MECOM: variants seen among roughly 807,000 people sequenced by gnomAD.
MECOM encodes the protein MDS1 and EVI1 complex locus, also known as histone-lysine N-methyltransferase MECOM.
Under a neutral mutation model 116.3 loss-of-function variants are expected in MECOM, and 13 were observed. The ratio of observed to expected loss-of-function variants is 0.11; its 90% CI spans 0.07 to 0.18. The LOEUF (loss-of-function observed/expected upper bound fraction) is 0.18. Among genes scored for constraint, MECOM ranks in the 10% least tolerant of loss-of-function variants. MECOM has a pLI of 1.00. For missense variants in MECOM, 1,299 were observed against 1,509.0 expected (o/e 0.86, Z 2.31); for synonymous variants, 528 against 535.2 (o/e 0.99, Z 0.19).
chr3:169,650,993 T>C (rs1252052226), intron 1 of MECOM, among the ~76,000 whole-genome samples: 1 of 152,202 alleles, frequency 6.6e-6, no homozygotes, highest in Non-Finnish European at 1.5e-5. Flanking sequence ...GAAAAAGCCC[T>C]TTATTTCTTT....
intron 13 of MECOM, among the ~76,000 whole-genome samples, chr3:169,093,582 C>G (rs545739118): frequency 5.3e-5 from 8 of 152,098 alleles, no homozygotes; most frequent in Non-Finnish European, 8.8e-5. Context: ...ATTCTGCATC[C>G]TGGTTTGCTG....
At chr3:169,162,754 G>A (rs1577220377) in intron 2 of MECOM, among the ~76,000 whole-genome samples, 1 of 152,160 alleles carries the variant, frequency 6.6e-6, no homozygotes, top group African/African-American at 2.4e-5. Flanking sequence ...ATTTTCCGAT[G>A]GATTCCAATA....
At chr3:169,131,566 A>C (rs1357860066) in intron 3 of MECOM, 35 bp from the exon 4 acceptor site, 20 of 1,523,266 alleles carry the variant, frequency 1.3e-5, no homozygotes, top group Non-Finnish European at 1.8e-5. Flanking sequence ...TGGAATCAGG[A>C]AAGAGAGAGA....
rs887230411 is a variant in MECOM at position 169,511,801 on chromosome 3, A to T, written c.38-130277T>A. Among the ~76,000 whole-genome samples, 14 of 151,922 alleles carry T rather than the reference A, an allele frequency of 9.2e-5. No individual in the cohort carries two copies. In the South Asian group the frequency reaches 1.0e-3, roughly 11 times the overall value. ...AAAAGCACAAAAAAAAATTTTTTTT[A>T]AAGTATTCTTACAGAAGCTGACATC... On this transcript the variant is annotated intron_variant, in intron 1 of 16. Coordinates refer to ENST00000651503, the MANE Select transcript of MECOM (RefSeq NM_004991.4).
chr3:169,131,900 TC>T (rs1734839229), intron 3 of MECOM: 3 of 1,013,926 alleles, frequency 3.0e-6, no homozygotes, highest in Non-Finnish European at 3.5e-6. Context: ...CAGAGTTGAA[TC>T]CTGCCTGGAA....
At chr3:169,471,173 G>T (rs536354845) in intron 1 of MECOM, among the ~76,000 whole-genome samples, 2 of 151,722 alleles carry the variant, frequency 1.3e-5, no homozygotes, top group Non-Finnish European at 2.9e-5. Context: ...TTGTATTTTT[G>T]TAGAGATAGG....
At chr3:169,271,413 T>A (rs968652976) in intron 2 of MECOM, among the ~76,000 whole-genome samples, 1 of 152,226 alleles carries the variant, frequency 6.6e-6, no homozygotes, top group Non-Finnish European at 1.5e-5. Context: ...AAGCAATTGC[T>A]TATGGAGAAA....
intron 2 of MECOM, among the ~76,000 whole-genome samples, chr3:169,196,237 T>C (rs970653758): frequency 2.0e-5 from 3 of 152,040 alleles, no homozygotes; most frequent in Admixed American, 1.3e-4. Context: ...ATATCTCACT[T>C]GATGCTCAGA....
intron 1 of MECOM, among the ~76,000 whole-genome samples, chr3:169,427,142 T>C (rs138284783): frequency 0.013 from 2,004 of 151,508 alleles, 19 homozygotes; most frequent in Middle Eastern, 0.041. Flanking sequence ...TTCCCTCACA[T>C]GTCACAGAAA....
intron 1 of MECOM, among the ~76,000 whole-genome samples, chr3:169,643,190 T>C (rs1299610470): frequency 6.6e-6 from 1 of 152,240 alleles, no homozygotes; most frequent in African/African-American, 2.4e-5. Context: ...GTCATTTTTT[T>C]CTCAGGGAGC....
At chr3:169,422,853 AT>A in intron 1 of MECOM, among the ~76,000 whole-genome samples, 1 of 152,162 alleles carries the variant, frequency 6.6e-6, no homozygotes, top group East Asian at 1.9e-4. Flanking sequence ...GAAGATCTGT[AT>A]TTTTTTATAT....
chr3:169,338,319 C>T (rs986216079), intron 2 of MECOM, among the ~76,000 whole-genome samples: 6 of 152,120 alleles, frequency 3.9e-5, no homozygotes, highest in African/African-American at 9.7e-5. Flanking sequence ...ATAGCACCTC[C>T]GCCTTACAGA....
chr3:169,421,759 A>G (rs183436930), intron 1 of MECOM, among the ~76,000 whole-genome samples: 4 of 152,190 alleles, frequency 2.6e-5, no homozygotes, highest in East Asian at 3.9e-4. Context: ...ATTGGAAGAT[A>G]TCACTGCTCA....
chr3:169,637,057 A>G (rs1194524221), intron 1 of MECOM, among the ~76,000 whole-genome samples: 1 of 152,210 alleles, frequency 6.6e-6, no homozygotes, highest in Non-Finnish European at 1.5e-5. Context: ...GCAACACAGC[A>G]TGACTCCAAT....
chr3:169,590,592 G>A (rs1424189850), intron 1 of MECOM, among the ~76,000 whole-genome samples: 3 of 152,170 alleles, frequency 2.0e-5, no homozygotes, highest in Non-Finnish European at 2.9e-5. Flanking sequence ...AATCTCTGTT[G>A]TATGTCAGGC....
chr3:169,640,624 A>C (rs905741849), intron 1 of MECOM, among the ~76,000 whole-genome samples: 5 of 152,196 alleles, frequency 3.3e-5, no homozygotes, highest in African/African-American at 1.2e-4. Flanking sequence ...TTTACTGAGA[A>C]TTTCAAAGTG....
chr3:169,379,452 CAGT>C (rs1373678232), intron 2 of MECOM, among the ~76,000 whole-genome samples: 1 of 151,998 alleles, frequency 6.6e-6, no homozygotes, highest in Non-Finnish European at 1.5e-5. Context: ...AAAAACAACT[CAGT>C]TTTGACATAA....
At chr3:169,178,836 C>T (rs1006179997) in intron 2 of MECOM, among the ~76,000 whole-genome samples, 2 of 152,176 alleles carry the variant, frequency 1.3e-5, no homozygotes, top group African/African-American at 4.8e-5. Flanking sequence ...AAAACAATTA[C>T]ATAACTGTCT....
intron 1 of MECOM, among the ~76,000 whole-genome samples, chr3:169,460,128 C>T (rs576692096): frequency 7.2e-5 from 11 of 152,176 alleles, no homozygotes; most frequent in South Asian, 4.2e-4. Context: ...CAGACTCCCA[C>T]GTCCTCACTG....
Sources: allele counts gnomAD v4.1 joint callset (sites outside exome capture counted in the v4.1 genomes callset), GRCh38; gene constraint gnomAD v4.1.1; transcripts MANE v1.5; gene names NCBI Gene and HGNC (gene_info 2026-07-23, HGNC 2026-07-21).